Variants in RNF128 observed in about 807,000 individuals in gnomAD.
RNF128 encodes E3 ubiquitin-protein ligase RNF128.
RNF128 carries 13 observed loss-of-function variants against 26.2 expected under a neutral mutation model. That is an observed-to-expected ratio of 0.50 (90% CI 0.32 to 0.79). The LOEUF is 0.79. Ranked by LOEUF, RNF128 falls within the 30% of genes least tolerant of loss-of-function variation. The probability of loss-of-function intolerance (pLI) is 0.03; values close to 1 mark genes in which losing one functional copy is unlikely to be tolerated. For synonymous variants in RNF128, 149 were observed against 142.5 expected (o/e 1.05, Z -0.32); for missense variants, 315 against 349.7 (o/e 0.90, Z 0.79).
intron 1 of RNF128, among the ~76,000 whole-genome samples, chrX:106,759,600 G>C (rs1930085418): frequency 8.9e-6 from 1 of 111,868 alleles, no homozygotes; most frequent in African/African-American, 3.2e-5. Flanking sequence ...GTACTATTCA[G>C]CCATAAAGAA....
At position 106,737,101 on chromosome X, in the gene RNF128, C is replaced by T. The variant is rs758471424; in HGVS notation, c.484+9704C>T. 2.7e-5 allele frequency among the ~76,000 whole-genome samples: 3 copies of T among 111,618 alleles called. No individual in the cohort carries two copies. The South Asian group carries it at 1.1e-3, about 41-fold the overall frequency. On this transcript the variant is annotated intron_variant, in intron 1 of 6. Transcript: ENST00000255499. ...CACCTTAAAGACTACATTTTGTTTT[C>T]TTAATCTTTGAGGATCTCAGATGTT...
rs189950188 is a variant in RNF128, at chrX:106,769,359, G to T, written c.485-3554G>T. Among the ~76,000 whole-genome samples, 3 of 110,673 alleles carry T rather than the reference G, an allele frequency of 2.7e-5. No individual in the cohort carries two copies. The East Asian group carries it at 8.6e-4, about 32-fold the overall frequency. On this transcript the variant is annotated intron_variant, in intron 1 of 6. Transcript: ENST00000255499. ...ATTGTGTGCGTGTCTAAGTCTCTTT[G>T]TAGGTCTCTAAGGACTTGCTTTATA... is the stretch of plus-strand genomic sequence containing the variant.
intron 1 of RNF128, among the ~76,000 whole-genome samples, chrX:106,701,461 A>G (rs141691760): frequency 2.1e-4 from 23 of 111,805 alleles, no homozygotes; most frequent in African/African-American, 7.5e-4. Flanking sequence ...GTCGATAGAT[A>G]CAGATAGAGT....
chrX:106,761,040 T>C (rs1379901095), intron 1 of RNF128, among the ~76,000 whole-genome samples: 1 of 111,665 alleles, frequency 9.0e-6, no homozygotes, highest in Non-Finnish European at 1.9e-5. Flanking sequence ...AGGTCTGATA[T>C]CCGAAATCTT....
chrX:106,787,145 A>G (rs1358981811), intron 3 of RNF128, among the ~76,000 whole-genome samples: 2 of 111,387 alleles, frequency 1.8e-5, no homozygotes, highest in Middle Eastern at 4.2e-3. Flanking sequence ...TAAAAACACA[A>G]CTGTTCATAG....
chrX:106,699,702 G>A (rs1928924803), intron 1 of RNF128, among the ~76,000 whole-genome samples: 1 of 111,954 alleles, frequency 8.9e-6, no homozygotes, highest in South Asian at 3.7e-4. Context: ...GGAGTTGCAT[G>A]ATCTGGCCTC....
At chrX:106,705,510 T>A (rs1457521585) in intron 1 of RNF128, among the ~76,000 whole-genome samples, 1 of 112,267 alleles carries the variant, frequency 8.9e-6, no homozygotes. Context: ...TATGTATATT[T>A]TTAGCTTTTA....
chrX:106,705,585 C>G (rs1929030165), intron 1 of RNF128, among the ~76,000 whole-genome samples: 1 of 112,326 alleles, frequency 8.9e-6, no homozygotes, highest in African/African-American at 3.2e-5. Context: ...GAGAAGTGTA[C>G]AATCAGTCAA....
chrX:106,777,827 A>C (rs1040803848), intron 2 of RNF128, among the ~76,000 whole-genome samples: 1 of 111,140 alleles, frequency 9.0e-6, no homozygotes, highest in Non-Finnish European at 1.9e-5. Flanking sequence ...AAAATTAGCC[A>C]GGCATGGTGG....
In RNF128 at chrX:106,787,941, T is replaced by C. The variant is rs764155164; in HGVS notation, c.828T>C (p.Ser276=). The change falls in exon 4 of 7, where the codon AGT becomes AGC. Residue 276 remains serine (S), a synonymous_variant. Coordinates refer to ENST00000255499, the MANE Select transcript of RNF128 (RefSeq NM_194463.2). ...AGGAAATTGGCCCTGATGGAGATAG[T>C]TGTGCTGTGTGCATTGAATTGTATA... The part of the protein sequence containing the change: ...GDKEIGPDGD[S]CAVCIELYKP... 2 of 1,192,913 alleles carry C rather than the reference T, an allele frequency of 1.7e-6. No individual in the cohort carries two copies. The highest frequency in any genetic ancestry group is 2.3e-6 in the Non-Finnish European group (2 of 886,415).
chrX:106,788,296 GTATATATACTATATAATATGTATTAATAT>G (rs1930694344), intron 4 of RNF128, among the ~76,000 whole-genome samples: 2 of 55,921 alleles, frequency 3.6e-5, no homozygotes, highest in African/African-American at 1.4e-4. Context: ...ATTATATATA[GTATATATACTATATAATATGTATTAATAT>G]TATATATACT....
intron 4 of RNF128, among the ~76,000 whole-genome samples, chrX:106,789,095 ATATATATAC>A (rs773947592): frequency 2.3e-5 from 2 of 85,736 alleles, no homozygotes; most frequent in Non-Finnish European, 4.4e-5. Flanking sequence ...AGTATATAGT[ATATATATAC>A]TATATACTAT....
chrX:106,784,976 G>A, intron 2 of RNF128, 89 bp from the exon 3 acceptor site: 1 of 640,854 alleles, frequency 1.6e-6, no homozygotes, highest in Admixed American at 3.7e-5. Context: ...ACTTTTACCT[G>A]ATAAATATTT....
chrX:106,777,805 G>A (rs1051444312), intron 2 of RNF128, among the ~76,000 whole-genome samples: 21 of 110,989 alleles, frequency 1.9e-4, no homozygotes, highest in African/African-American at 6.9e-4. Flanking sequence ...CCCTGTCCCT[G>A]CAAATAATAG....
chrX:106,761,278 A>G (rs1415040154), intron 1 of RNF128, among the ~76,000 whole-genome samples: 1 of 112,025 alleles, frequency 8.9e-6, no homozygotes, highest in Non-Finnish European at 1.9e-5. Flanking sequence ...TCAAAAAATA[A>G]CAGATGTTAA....
intron 3 of RNF128, among the ~76,000 whole-genome samples, chrX:106,786,881 A>C (rs188554606): frequency 2.7e-4 from 30 of 111,859 alleles, no homozygotes; most frequent in African/African-American, 9.4e-4. Flanking sequence ...AAAGAAATAC[A>C]AATTAAAGCC....
In RNF128 at chrX:106,773,133, G is replaced by A. The variant is rs1930406868; in HGVS notation, c.705G>A (p.Arg235=). 8.3e-7 allele frequency: 1 copy of A among 1,210,186 alleles called. No individual in the cohort carries two copies. ...YFIFYSARRL[R]NARAQSRKQR... Reference sequence around the variant, plus strand: ...TCTTTTATTCTGCTCGAAGGCTACGGAATGCAAGAGCTCAAAGCAGGAAGC... The same window carrying A: ...TCTTTTATTCTGCTCGAAGGCTACGAAATGCAAGAGCTCAAAGCAGGAAGC... The change falls in exon 2 of 7, where the codon CGG becomes CGA. Residue 235 remains arginine, a synonymous_variant. Transcript: ENST00000255499.
intron 1 of RNF128, among the ~76,000 whole-genome samples, chrX:106,742,545 G>A (rs752528648): frequency 9.0e-6 from 1 of 111,665 alleles, no homozygotes; most frequent in African/African-American, 3.3e-5. Flanking sequence ...GAGGATCATC[G>A]ATCCAGCACA....
chrX:106,760,175 G>A (rs769236739), intron 1 of RNF128, among the ~76,000 whole-genome samples: 31 of 111,601 alleles, frequency 2.8e-4, no homozygotes, highest in African/African-American at 9.7e-4. Flanking sequence ...AAGTATTTGT[G>A]TAAAACCTTT....
Sources: allele counts gnomAD v4.1 joint callset (sites outside exome capture counted in the v4.1 genomes callset), GRCh38; gene constraint gnomAD v4.1.1; transcripts MANE v1.5; gene names NCBI Gene and HGNC (gene_info 2026-07-23, HGNC 2026-07-21).